PTPRR: variants seen among roughly 807,000 people sequenced by gnomAD.
PTPRR encodes receptor-type tyrosine-protein phosphatase R.
Under a neutral mutation model 77.2 loss-of-function variants are expected in PTPRR, and 38 were observed. The observed-to-expected ratio is 0.49, with a 90% CI of 0.38 to 0.65. The LOEUF (loss-of-function observed/expected upper bound fraction) is 0.65, where lower values mean the gene tolerates loss of function less well. PTPRR is among the 30% of genes least tolerant of loss of function. The pLI, the probability that PTPRR is intolerant of heterozygous loss-of-function variation, is 0.00. For missense variants in PTPRR, 744 were observed against 799.2 expected, an observed-to-expected ratio of 0.93 and a Z score of 0.83; for synonymous variants, 299 against 283.1, an observed-to-expected ratio of 1.06 and a Z score of -0.57.
At chr12:70,679,686 C>T (rs1181708178) in intron 10 of PTPRR, among the ~76,000 whole-genome samples, 2 of 151,898 alleles carry the variant, frequency 1.3e-5, no homozygotes, top group Non-Finnish European at 2.9e-5. Context: ...TCTATTTTAT[C>T]TGGTATAAGT....
intron 6 of PTPRR, among the ~76,000 whole-genome samples, chr12:70,740,091 A>G (rs1889997524): frequency 6.6e-6 from 1 of 152,206 alleles, no homozygotes. Flanking sequence ...TGTTATAGCA[A>G]GATAAACCTG....
intron 2 of PTPRR, among the ~76,000 whole-genome samples, chr12:70,824,053 C>T (rs1369245940): frequency 1.3e-5 from 2 of 152,112 alleles, no homozygotes; most frequent in African/African-American, 4.8e-5. Flanking sequence ...TTCACAGAAC[C>T]CTTAGCATTG....
intron 2 of PTPRR, among the ~76,000 whole-genome samples, chr12:70,868,289 C>A (rs185933433): frequency 6.6e-6 from 1 of 151,708 alleles, no homozygotes; most frequent in Non-Finnish European, 1.5e-5. Flanking sequence ...ACCTACTCAT[C>A]TGACAAAGGG....
intron 2 of PTPRR, 138 bp from the exon 3 acceptor site, chr12:70,764,916 C>A (rs1348612892): frequency 1.6e-6 from 1 of 629,838 alleles, no homozygotes; most frequent in South Asian, 2.0e-5. Flanking sequence ...TGTGACTCTG[C>A]TAAGTTTACA....
intron 2 of PTPRR, among the ~76,000 whole-genome samples, chr12:70,823,108 G>GACACACAC (rs58549756): frequency 0.025 from 3,475 of 139,612 alleles, 111 homozygotes; most frequent in African/African-American, 0.059. Context: ...CTCTCTCTCT[G>GACACACAC]ACACACACAC....
intron 2 of PTPRR, among the ~76,000 whole-genome samples, chr12:70,874,403 A>G (rs1893014159): frequency 4.0e-5 from 6 of 151,402 alleles, no homozygotes. Context: ...TGCACGATGC[A>G]GTAAAGAATG....
intron 2 of PTPRR, among the ~76,000 whole-genome samples, chr12:70,773,179 C>A (rs1466111054): frequency 6.6e-6 from 1 of 152,042 alleles, no homozygotes; most frequent in Non-Finnish European, 1.5e-5. Flanking sequence ...GGATTAGGAG[C>A]CCACCCTACT....
rs546905718 is a variant in PTPRR, at chr12:70,768,336, G to A, written c.358-3558C>T. Reference sequence around the variant, plus strand: ...AAATGATAAAGGGGATATCACCATCGATCCCACAGAAATACAAACTACCAT... The same window carrying A: ...AAATGATAAAGGGGATATCACCATCAATCCCACAGAAATACAAACTACCAT... On this transcript the variant is annotated intron_variant, in intron 2 of 13. Coordinates refer to ENST00000283228, the MANE Select transcript of PTPRR (RefSeq NM_002849.4). Among the ~76,000 whole-genome samples the A allele has an allele frequency of 1.2e-3, 184 of 152,274 alleles. 1 individual carries two copies. The highest frequency in any genetic ancestry group is 1.5e-3 in the Non-Finnish European group (104 of 68,026).
At chr12:70,818,027 C>G (rs1317338116) in intron 2 of PTPRR, among the ~76,000 whole-genome samples, 1 of 152,018 alleles carries the variant, frequency 6.6e-6, no homozygotes, top group Non-Finnish European at 1.5e-5. Context: ...GCCTGACCAA[C>G]ATGGTGAAAC....
At chr12:70,705,463 G>T (rs1888584513) in intron 6 of PTPRR, among the ~76,000 whole-genome samples, 2 of 151,776 alleles carry the variant, frequency 1.3e-5, no homozygotes, top group African/African-American at 4.8e-5. Context: ...AGAACAGTGA[G>T]ACTTCAAGCA....
chr12:70,717,815 A>G (rs1372469352), intron 6 of PTPRR, among the ~76,000 whole-genome samples: 1 of 152,218 alleles, frequency 6.6e-6, no homozygotes, highest in Non-Finnish European at 1.5e-5. Flanking sequence ...ATGAAATACA[A>G]AGGAGTTTCC....
At chr12:70,683,733 A>T (rs192995589) in intron 10 of PTPRR, among the ~76,000 whole-genome samples, 10 of 152,276 alleles carry the variant, frequency 6.6e-5, no homozygotes, top group Non-Finnish European at 1.2e-4. Context: ...AAAATCTACC[A>T]AGGGCAGGGA....
chr12:70,878,242 T>C (rs899065763), intron 2 of PTPRR, among the ~76,000 whole-genome samples: 6 of 151,996 alleles, frequency 3.9e-5, no homozygotes, highest in Admixed American at 3.3e-4. Flanking sequence ...AAGCCAAAAT[T>C]GACAAATGGG....
intron 2 of PTPRR, among the ~76,000 whole-genome samples, chr12:70,822,328 T>C (rs970419638): frequency 6.6e-6 from 1 of 152,182 alleles, no homozygotes; most frequent in African/African-American, 2.4e-5. Flanking sequence ...TTGCAAAACA[T>C]ACCACAGAGA....
intron 2 of PTPRR, among the ~76,000 whole-genome samples, chr12:70,772,091 A>G (rs1014314642): frequency 2.6e-5 from 4 of 152,198 alleles, no homozygotes; most frequent in Non-Finnish European, 4.4e-5. Context: ...GAAACCATGA[A>G]GTAGTTTACT....
intron 1 of PTPRR, among the ~76,000 whole-genome samples, chr12:70,894,835 C>T (rs1288398611): frequency 6.6e-6 from 1 of 151,594 alleles, no homozygotes; most frequent in Admixed American, 6.6e-5. Context: ...TCATCATTGT[C>T]CAATCATCAT....
chr12:70,719,760 T>C (rs1889176567), intron 6 of PTPRR, among the ~76,000 whole-genome samples: 1 of 152,206 alleles, frequency 6.6e-6, no homozygotes, highest in Admixed American at 6.5e-5. Context: ...GCGTCTTCTC[T>C]GGATGCCATT....
intron 2 of PTPRR, among the ~76,000 whole-genome samples, chr12:70,843,295 C>T (rs939206382): frequency 3.9e-5 from 6 of 152,050 alleles, no homozygotes; most frequent in African/African-American, 1.4e-4. Flanking sequence ...CCAGAAATGT[C>T]GATTGCAAAT....
chr12:70,904,327 T>C (rs1295554604), intron 1 of PTPRR, among the ~76,000 whole-genome samples: 1 of 151,788 alleles, frequency 6.6e-6, no homozygotes, highest in East Asian at 1.9e-4. Context: ...CTTCAATGGG[T>C]GGATAGATAA....
Sources: gnomAD v4.1 joint callset for allele counts (sites outside exome capture counted in the v4.1 genomes callset) on GRCh38, gnomAD v4.1.1 for gene constraint, MANE v1.5 for transcripts, NCBI Gene and HGNC (gene_info 2026-07-23, HGNC 2026-07-21) for gene names.